Variants in ST8SIA6 observed in about 807,000 individuals in gnomAD.
The protein encoded by ST8SIA6 is alpha-2,8-sialyltransferase 8F.
A neutral mutation model predicts 33.6 loss-of-function variants in ST8SIA6; 39 were observed. That is an observed-to-expected ratio of 1.16 (90% CI 0.90 to 1.52). ST8SIA6 has a LOEUF of 1.52. Ranked by LOEUF, ST8SIA6 falls within the 40% of genes most tolerant of loss-of-function variation. The probability of loss-of-function intolerance (pLI) is 0.00; values close to 1 mark genes in which losing one functional copy is unlikely to be tolerated. For synonymous variants in ST8SIA6, 172 were observed against 167.2 expected (o/e 1.03, Z -0.22); for missense variants, 441 against 443.8 (o/e 0.99, Z 0.06).
chr10:17,393,444 T>C (rs1850692162), intron 2 of ST8SIA6, among the ~76,000 whole-genome samples: 1 of 152,254 alleles, frequency 6.6e-6, no homozygotes, highest in African/African-American at 2.4e-5. Flanking sequence ...GCTTCTATAA[T>C]TGATGTGGCA....
intron 3 of ST8SIA6, among the ~76,000 whole-genome samples, chr10:17,364,240 C>T (rs748219112): frequency 2.2e-4 from 33 of 152,156 alleles, no homozygotes; most frequent in Admixed American, 9.8e-4. Flanking sequence ...TTGTTTTAAA[C>T]ATCACTCCCC....
At chr10:17,414,163 C>G (rs113406484) in intron 2 of ST8SIA6, among the ~76,000 whole-genome samples, 1 of 151,266 alleles carries the variant, frequency 6.6e-6, no homozygotes, top group Non-Finnish European at 1.5e-5. Context: ...TGGATGTACC[C>G]AACTCTTTGC....
intron 2 of ST8SIA6, among the ~76,000 whole-genome samples, chr10:17,421,519 G>A (rs554682285): frequency 6.6e-6 from 1 of 152,264 alleles, no homozygotes; most frequent in Non-Finnish European, 1.5e-5. Flanking sequence ...CTGAATGAGT[G>A]AGATCTTAGA....
intron 3 of ST8SIA6, among the ~76,000 whole-genome samples, chr10:17,364,141 A>G (rs1356298478): frequency 1.3e-5 from 2 of 152,238 alleles, no homozygotes; most frequent in East Asian, 1.9e-4. Flanking sequence ...TTGCCTGTAT[A>G]TTGAGCTTAG....
At chr10:17,388,184 G>A (rs1413494442) in intron 3 of ST8SIA6, among the ~76,000 whole-genome samples, 1 of 152,162 alleles carries the variant, frequency 6.6e-6, no homozygotes, top group East Asian at 1.9e-4. Context: ...TTGTTAAACG[G>A]TTTCTCTTTT....
rs553204266 is a variant in ST8SIA6 at position 17,448,005 on chromosome 10, TG to T, written c.200+5553del. On this transcript the variant is annotated intron_variant, in intron 2 of 7. Coordinates refer to ENST00000377602, the MANE Select transcript of ST8SIA6 (RefSeq NM_001004470.3). ...AGTAGAGACAAGAGTTTGACCATGT[TG>T]GCTGGGCTGGTCTCAAACTCCTGAC... is the stretch of plus-strand genomic sequence containing the variant. Among the ~76,000 whole-genome samples, 10 of 152,196 alleles carry T rather than the reference TG, an allele frequency of 6.6e-5. No individual in the cohort carries two copies. The East Asian group carries it at 1.7e-3, about 26-fold the overall frequency.
Position 17,321,401 on chromosome 10 carries a change from G to C in ST8SIA6, c.729-55C>G, listed in dbSNP as rs1036380019. On this transcript the variant is annotated intron_variant, in intron 7 of 7. Transcript: ENST00000377602. ...CCCAAGAATAATAATCAAAGTAGCA[G>C]TTTTGATAACATAAAGCTGAATTTA... The C allele has an allele frequency of 5.2e-5, 73 of 1,402,840 alleles. 1 individual carries two copies. The South Asian group carries it at 8.5e-4, about 16-fold the overall frequency. 86.9% of individuals were successfully genotyped at this position (1,402,840 alleles called of 1,614,324 possible).
chr10:17,431,988 G>A (rs1273974008), intron 2 of ST8SIA6, among the ~76,000 whole-genome samples: 2 of 152,198 alleles, frequency 1.3e-5, no homozygotes, highest in Non-Finnish European at 2.9e-5. Flanking sequence ...GGAGGCTGAA[G>A]GGAGAGACAG....
chr10:17,331,767 T>G (rs1848310121), intron 4 of ST8SIA6, among the ~76,000 whole-genome samples: 1 of 152,210 alleles, frequency 6.6e-6, no homozygotes, highest in Non-Finnish European at 1.5e-5. Flanking sequence ...TTTTGTCTTT[T>G]GTTTAATCTT....
chr10:17,329,111 T>C (rs2131582496), intron 5 of ST8SIA6, among the ~76,000 whole-genome samples: 2 of 152,320 alleles, frequency 1.3e-5, no homozygotes, highest in South Asian at 2.1e-4. Context: ...GCTGCCCAAC[T>C]AGCAAAGAAA....
intron 3 of ST8SIA6, among the ~76,000 whole-genome samples, chr10:17,368,232 CAAAAA>C (rs61426907): frequency 0.21 from 15,302 of 73,474 alleles, 629 homozygotes; most frequent in East Asian, 0.51. Flanking sequence ...CCTGTCTCTA[CAAAAA>C]AAAAAAAAAA....
intron 2 of ST8SIA6, among the ~76,000 whole-genome samples, chr10:17,441,568 C>A (rs1852496056): frequency 6.6e-6 from 1 of 152,136 alleles, no homozygotes; most frequent in Non-Finnish European, 1.5e-5. Flanking sequence ...CACAGCCTCC[C>A]AAAGTGCTGG....
intron 3 of ST8SIA6, among the ~76,000 whole-genome samples, chr10:17,363,480 C>T (rs10508526): frequency 0.19 from 28,672 of 152,158 alleles, 3,075 homozygotes; most frequent in East Asian, 0.51. Flanking sequence ...ACCTCTGCAA[C>T]TTAAAGAATA....
Position 17,320,645 on chromosome 10 carries a change from A to C in ST8SIA6, c.*233T>G. 2.0e-6 allele frequency: 1 copy of C among 512,790 alleles called. No homozygotes were observed. The highest frequency in any genetic ancestry group is 3.4e-6 in the Non-Finnish European group (1 of 291,968). 31.8% of individuals were successfully genotyped at this position (512,790 alleles called of 1,614,324 possible). On this transcript the variant is annotated 3_prime_UTR_variant, in exon 8 of 8. Transcript: ENST00000377602. ...AAGGCCATGCCAATAATTTTCATAA[A>C]TTATAAAAATTTGTATGAGTCAGAT...
chr10:17,337,626 G>C (rs931193233), intron 4 of ST8SIA6, among the ~76,000 whole-genome samples: 1 of 152,176 alleles, frequency 6.6e-6, no homozygotes, highest in African/African-American at 2.4e-5. Flanking sequence ...GAGAGTAAGA[G>C]CCAGTGTTGG....
Position 17,320,795 on chromosome 10 carries a change from T to C in ST8SIA6, c.*83A>G, listed in dbSNP as rs1564396702. 4 of 1,453,294 alleles carry C rather than the reference T, an allele frequency of 2.8e-6. No individual in the cohort carries two copies. The highest frequency in any genetic ancestry group is 2.3e-5 in the East Asian group (1 of 43,692). The allele number at this position is 1,453,294 out of a possible 1,614,324, so 90.0% of individuals were successfully genotyped here. On this transcript the variant is annotated 3_prime_UTR_variant, in exon 8 of 8. Transcript: ENST00000377602. The stretch of plus-strand genomic sequence containing the variant: ...TTGGGGCTCATCTCAAAATACTCTT[T>C]AGCCACCTCCTTTGGTGTTTGGAGA...
intron 4 of ST8SIA6, among the ~76,000 whole-genome samples, chr10:17,358,632 A>G (rs1849274656): frequency 6.9e-6 from 1 of 144,234 alleles, no homozygotes; most frequent in South Asian, 2.4e-4. Flanking sequence ...GAAAGAAGGA[A>G]GGAAGGAGAA....
At chr10:17,341,847 CTG>C (rs936070879) in intron 4 of ST8SIA6, among the ~76,000 whole-genome samples, 1 of 131,026 alleles carries the variant, frequency 7.6e-6, no homozygotes, top group Non-Finnish European at 1.5e-5. Flanking sequence ...GTTGCAGTAA[CTG>C]GAGACCGCAC....
At chr10:17,379,864 C>G (rs1429576261) in intron 3 of ST8SIA6, among the ~76,000 whole-genome samples, 1 of 152,130 alleles carries the variant, frequency 6.6e-6, no homozygotes, top group African/African-American at 2.4e-5. Context: ...TGAGATCTGT[C>G]TCTGATTTTC....
Sources: gnomAD v4.1 joint callset for allele counts (sites outside exome capture counted in the v4.1 genomes callset) on GRCh38, gnomAD v4.1.1 for gene constraint, MANE v1.5 for transcripts, NCBI Gene and HGNC (gene_info 2026-07-23, HGNC 2026-07-21) for gene names.